Variants in CUBN observed in about 807,000 individuals in gnomAD.
CUBN encodes the protein cubilin, also known as 460 kDa receptor.
A neutral mutation model predicts 405.3 loss-of-function variants in CUBN; 282 were observed. The observed-to-expected ratio is 0.70, with a 90% CI of 0.63 to 0.77. The LOEUF (loss-of-function observed/expected upper bound fraction) is 0.77, where lower values mean the gene tolerates loss of function less well. Among genes scored for constraint, CUBN ranks in the 30% least tolerant of loss-of-function variants. The probability of loss-of-function intolerance (pLI) is 0.00; values close to 1 mark genes in which losing one functional copy is unlikely to be tolerated. For missense variants in CUBN, 4,514 were observed against 4,475.2 expected (o/e 1.01, Z -0.25); for synonymous variants, 1,684 against 1,617.0 (o/e 1.04, Z -0.99).
intron 27 of CUBN, among the ~76,000 whole-genome samples, chr10:17,021,745 C>A (rs745961555): frequency 1.3e-5 from 2 of 152,092 alleles, no homozygotes; most frequent in Non-Finnish European, 2.9e-5. Context: ...ATGGAGCCGC[C>A]CCTAATCCCT....
intron 22 of CUBN, among the ~76,000 whole-genome samples, chr10:17,055,792 G>C (rs1835380462): frequency 6.6e-6 from 1 of 152,030 alleles, no homozygotes; most frequent in Non-Finnish European, 1.5e-5. Context: ...TAAATGGAGA[G>C]GTAAAATATG....
intron 43 of CUBN, among the ~76,000 whole-genome samples, chr10:16,921,966 AT>A (rs1432562809): frequency 6.6e-6 from 1 of 152,184 alleles, no homozygotes; most frequent in African/African-American, 2.4e-5. Context: ...CCAGAGCTCC[AT>A]ACCTGAGTCT....
rs116977214 is a variant in CUBN at position 16,922,999 on chromosome 10, G to A, written c.6646+2242C>T. Among the ~76,000 whole-genome samples the A allele has an allele frequency of 4.2e-3, 643 of 151,980 alleles. 18 individuals are homozygous for A. In the East Asian group the frequency reaches 0.063, roughly 15 times the overall value. Reference sequence around the variant, plus strand: ...TGAGCAGCTGAAACCACAGAAGTGCGCCACCATGTTCAGCTACTTTGAAAA... The same window carrying A: ...TGAGCAGCTGAAACCACAGAAGTGCACCACCATGTTCAGCTACTTTGAAAA... On this transcript the variant is annotated intron_variant, in intron 43 of 66. Transcript: ENST00000377833.
At chr10:17,021,471 C>G (rs753536145) in intron 27 of CUBN, among the ~76,000 whole-genome samples, 3 of 152,078 alleles carry the variant, frequency 2.0e-5, no homozygotes, top group South Asian at 2.1e-4. Flanking sequence ...GATAAGCTGC[C>G]CATGACAACG....
intron 60 of CUBN, among the ~76,000 whole-genome samples, 159 bp downstream of exon 60, chr10:16,851,076 A>G (rs563035888): frequency 3.9e-5 from 6 of 152,256 alleles, no homozygotes; most frequent in African/African-American, 1.2e-4. Flanking sequence ...TAGAGCATCT[A>G]TAATATTAAA....
chr10:16,987,207 C>T (rs190112299), intron 29 of CUBN, among the ~76,000 whole-genome samples: 1 of 152,206 alleles, frequency 6.6e-6, no homozygotes, highest in South Asian at 2.1e-4. Context: ...TTTCCATGAC[C>T]GAAACAATGG....
chr10:17,124,764 A>G (rs1404360806), intron 4 of CUBN, among the ~76,000 whole-genome samples: 1 of 151,880 alleles, frequency 6.6e-6, no homozygotes, highest in Non-Finnish European at 1.5e-5. Flanking sequence ...TTGATTATGC[A>G]ATGATGGCCA....
intron 15 of CUBN, 151 bp downstream of exon 15, chr10:17,088,012 AG>A: frequency 3.4e-6 from 2 of 590,968 alleles, no homozygotes; most frequent in East Asian, 3.1e-5. Flanking sequence ...AGTTAAAAAT[AG>A]AGACTTTGCA....
intron 40 of CUBN, among the ~76,000 whole-genome samples, chr10:16,931,299 A>G (rs1302048246): frequency 6.6e-6 from 1 of 152,128 alleles, no homozygotes; most frequent in Non-Finnish European, 1.5e-5. Context: ...TCATAAAAAT[A>G]TATTAACAAT....
intron 27 of CUBN, among the ~76,000 whole-genome samples, chr10:17,027,159 T>A (rs1834690042): frequency 2.6e-5 from 4 of 152,212 alleles, no homozygotes; most frequent in Admixed American, 2.6e-4. Context: ...ACAATTTGAG[T>A]CTTTTTATTT....
intron 28 of CUBN, among the ~76,000 whole-genome samples, chr10:17,014,421 T>C (rs577934054): frequency 1.3e-5 from 2 of 152,072 alleles, no homozygotes; most frequent in Non-Finnish European, 2.9e-5. Flanking sequence ...TTGATTAGAG[T>C]ATAGAGGGGC....
At chr10:16,831,213 T>C (rs1838979933) in intron 65 of CUBN, 39 bp downstream of exon 65, 1 of 1,599,804 alleles carries the variant, frequency 6.3e-7, no homozygotes, top group Non-Finnish European at 8.6e-7. Flanking sequence ...CTCATGTTTT[T>C]CTCACAGTGC....
chr10:16,986,489 G>A (rs1299078787), intron 29 of CUBN, among the ~76,000 whole-genome samples: 1 of 152,140 alleles, frequency 6.6e-6, no homozygotes, highest in Non-Finnish European at 1.5e-5. Flanking sequence ...TCCGGTAAAG[G>A]CCAAAATGAA....
In CUBN at chr10:16,918,716, G is replaced by C. The variant is rs760873237; in HGVS notation, c.6906C>G (p.Pro2302=). 3 of 1,613,750 alleles carry C rather than the reference G, an allele frequency of 1.9e-6. No homozygotes were observed. The highest frequency in any genetic ancestry group is 1.3e-5 in the African/African-American group (1 of 74,904). ...ILSKFCGTSL[P]SSQWSSGEVM... ...CCTCTCCTGAGGACCACTGACTGCT[G>C]GGCAAAGATGTCCCACAAAATTTGG... The change falls in exon 45 of 67, where the codon CCC becomes CCG. Residue 2302 remains proline (P), a synonymous_variant. Coordinates refer to ENST00000377833, the MANE Select transcript of CUBN (RefSeq NM_001081.4).
intron 31 of CUBN, among the ~76,000 whole-genome samples, chr10:16,970,710 C>T (rs186185729): frequency 5.9e-5 from 9 of 152,232 alleles, no homozygotes; most frequent in East Asian, 1.9e-4. Context: ...TTATTCACTT[C>T]GTAGGAAGCA....
chr10:17,066,332 G>A (rs575888669), intron 21 of CUBN, among the ~76,000 whole-genome samples: 4 of 152,196 alleles, frequency 2.6e-5, no homozygotes, highest in Admixed American at 2.0e-4. Context: ...GCTTTTATCT[G>A]GAGAAATACC....
At chr10:16,987,154 T>C (rs938151580) in intron 29 of CUBN, among the ~76,000 whole-genome samples, 11 of 152,220 alleles carry the variant, frequency 7.2e-5, no homozygotes, top group African/African-American at 2.7e-4. Context: ...TCAGAATCTC[T>C]CTAAAGACTT....
chr10:17,119,328 T>C (rs1041100697), intron 6 of CUBN, among the ~76,000 whole-genome samples: 2 of 152,178 alleles, frequency 1.3e-5, no homozygotes, highest in African/African-American at 4.8e-5. Context: ...CATCCATGCA[T>C]GGCAAGCTCA....
At chr10:17,021,744 C>A (rs1391041715) in intron 27 of CUBN, among the ~76,000 whole-genome samples, 1 of 152,124 alleles carries the variant, frequency 6.6e-6, no homozygotes, top group Admixed American at 6.6e-5. Flanking sequence ...CATGGAGCCG[C>A]CCCTAATCCC....
Sources: gnomAD v4.1 joint callset for allele counts (sites outside exome capture counted in the v4.1 genomes callset) on GRCh38, gnomAD v4.1.1 for gene constraint, MANE v1.5 for transcripts, NCBI Gene and HGNC (gene_info 2026-07-23, HGNC 2026-07-21) for gene names.